Variants in GIPC1 observed in about 807,000 individuals in gnomAD.
GIPC1 encodes the protein GIPC PDZ domain containing family member 1, also known as PDZ domain-containing protein GIPC1.
In GIPC1, 15 loss-of-function variants were observed where a neutral mutation model predicts 28.5. The ratio of observed to expected loss-of-function variants is 0.53; its 90% CI spans 0.35 to 0.81. The LOEUF (loss-of-function observed/expected upper bound fraction) is 0.81, where lower values mean the gene tolerates loss of function less well. Among genes scored for constraint, GIPC1 ranks in the 30% least tolerant of loss-of-function variants. The pLI is 0.01. For synonymous variants in GIPC1, 224 were observed against 206.1 expected, an observed-to-expected ratio of 1.09 and a Z score of -0.74; for missense variants, 439 against 481.9, an observed-to-expected ratio of 0.91 and a Z score of 0.83.
chr19:14,494,388 G>A (rs113116722), intron 1 of GIPC1, among the ~76,000 whole-genome samples: 39 of 194 alleles, frequency 0.2, 1 homozygote, highest in African/African-American at 0.43. Flanking sequence ...CACCGCGCCC[G>A]GGCCCCCTTG....
At chr19:14,479,127 C>T (rs2071666683) in intron 7 of GIPC1, among the ~76,000 whole-genome samples, 1 of 152,142 alleles carries the variant, frequency 6.6e-6, no homozygotes, top group Admixed American at 6.5e-5. Context: ...GCTGGATCAC[C>T]TGATGTCAGG....
At chr19:14,493,624 A>C (rs1223966630) in intron 1 of GIPC1, among the ~76,000 whole-genome samples, 1 of 151,546 alleles carries the variant, frequency 6.6e-6, no homozygotes, top group East Asian at 1.9e-4. Flanking sequence ...CATCCGGCTA[A>C]TTTTTGTATT....
intron 3 of GIPC1, among the ~76,000 whole-genome samples, chr19:14,485,702 TAGAGAGAGAGAGAGAG>T (rs747570310): frequency 0.018 from 1,086 of 58,806 alleles, 25 homozygotes; most frequent in African/African-American, 0.048. Context: ...TATATATATA[TAGAGAGAGAGAGAGAG>T]AGAGAGAGAG....
At chr19:14,483,953 T>C (rs2146471930) in intron 3 of GIPC1, among the ~76,000 whole-genome samples, 1 of 151,828 alleles carries the variant, frequency 6.6e-6, no homozygotes, top group Non-Finnish European at 1.5e-5. Flanking sequence ...CACACCTCAG[T>C]CTCTCAAATA....
At chr19:14,482,613 A>T in intron 4 of GIPC1, 76 bp downstream of exon 4, 1 of 1,399,996 alleles carries the variant, frequency 7.1e-7, no homozygotes, top group Non-Finnish European at 1.0e-6. Flanking sequence ...TCTGAGCCCC[A>T]GCTCATGAAC....
chr19:14,480,182 T>C lies in GIPC1; in HGVS notation c.655+123A>G, dbSNP rs1303575338. 2.1e-5 allele frequency: 17 copies of C among 817,328 alleles called. No individual in the cohort carries two copies. The East Asian group carries it at 2.6e-4, about 13-fold the overall frequency. 50.6% of individuals were successfully genotyped at this position (817,328 alleles called of 1,614,324 possible). A position where few individuals can be genotyped will look rare whatever the true frequency, so the allele number is the denominator to read the frequency against. ...TCGGGAGGAGCTGCAACCCCTTCCC[T>C]TTCTGCAACCCCTTCCCTTTCGGCA... On this transcript the variant is annotated intron_variant, in intron 6 of 8. Coordinates refer to ENST00000393033, the MANE Select transcript of GIPC1 (RefSeq NM_005716.4).
chr19:14,489,488 T>C (rs766258042), intron 3 of GIPC1: 4 of 953,250 alleles, frequency 4.2e-6, no homozygotes, highest in East Asian at 2.4e-5. Context: ...TTGCGGGGAT[T>C]TGATCCCTTT....
At chr19:14,485,973 C>T (rs374849074) in intron 3 of GIPC1, among the ~76,000 whole-genome samples, 7 of 151,998 alleles carry the variant, frequency 4.6e-5, no homozygotes, top group South Asian at 2.1e-4. Flanking sequence ...GGTTTCACCA[C>T]GTTAGCAAGG....
At chr19:14,489,836 A>G (rs1341483279) in intron 3 of GIPC1, among the ~76,000 whole-genome samples, 1 of 151,766 alleles carries the variant, frequency 6.6e-6, no homozygotes, top group East Asian at 1.9e-4. Context: ...TTGATTTCAA[A>G]GGGTTTTATG....
Position 14,496,064 on chromosome 19 carries a change from C to CGCCGCCGCCGCT in GIPC1, c.-214_-203dup, listed in dbSNP as rs534895121. The CGCCGCCGCCGCT allele has an allele frequency of 1.2e-5, 3 of 251,382 alleles. No homozygotes were observed. Among genetic ancestry groups the CGCCGCCGCCGCT allele is most frequent in the East Asian group, 2.1e-4 (2 of 9,310 alleles). 15.6% of individuals were successfully genotyped at this position (251,382 alleles called of 1,614,324 possible). On this transcript the variant is annotated 5_prime_UTR_variant, in exon 1 of 9. Transcript: ENST00000393033. ...GCTCCGCCGCCGCCGCCGCCGCCGC[C>CGCCGCCGCCGCT]GCCGCCGCCGCTGCCTCCGCCTCCC...
intron 6 of GIPC1, chr19:14,480,041 A>G: frequency 3.4e-6 from 2 of 580,290 alleles, no homozygotes. Context: ...GGGGCTGGCC[A>G]GGGCTGAGGG....
chr19:14,486,693 T>C (rs1013334791), intron 3 of GIPC1, among the ~76,000 whole-genome samples: 3 of 149,758 alleles, frequency 2.0e-5, no homozygotes, highest in Non-Finnish European at 3.0e-5. Context: ...TTTCTGTTTC[T>C]TTCTTGCTTT....
At chr19:14,482,581 C>T (rs2071752708) in intron 4 of GIPC1, 108 bp downstream of exon 4, 1 of 1,131,242 alleles carries the variant, frequency 8.8e-7, no homozygotes, top group Non-Finnish European at 1.3e-6. Flanking sequence ...GGGGCCCAGG[C>T]TCAGCATCTG....
At chr19:14,490,190 C>T (rs1416479770) in intron 3 of GIPC1, among the ~76,000 whole-genome samples, 1 of 151,316 alleles carries the variant, frequency 6.6e-6, no homozygotes, top group African/African-American at 2.4e-5. Context: ...ATGGTGAAAC[C>T]CCGTCTCTAC....
At chr19:14,494,053 G>A (rs922119711) in intron 1 of GIPC1, among the ~76,000 whole-genome samples, 3 of 151,970 alleles carry the variant, frequency 2.0e-5, no homozygotes, top group Non-Finnish European at 4.4e-5. Context: ...TCCGCCTCCC[G>A]GGTTCAAGCG....
At chr19:14,495,969 G>T (rs2072068427) in intron 1 of GIPC1, 68 bp downstream of exon 1, 1 of 174,418 alleles carries the variant, frequency 5.7e-6, no homozygotes, top group South Asian at 1.6e-4. Flanking sequence ...GGATCGGCCG[G>T]ATCCTCGCAG....
rs1238797293 is a variant in GIPC1, at chr19:14,482,872, C to G, written c.105G>C (p.Leu35=). Residue 35 remains leucine (L), a synonymous_variant, in exon 4 of 9, where the codon CTG becomes CTC. Coordinates refer to ENST00000393033, the MANE Select transcript of GIPC1 (RefSeq NM_005716.4). Reference sequence around the variant, plus strand: ...GGGGGCCCCCCGACCCACCTCCGCCCAGAGGCCCTGGCTCCCCCACGCCCA... The same window carrying G: ...GGGGGCCCCCCGACCCACCTCCGCCGAGAGGCCCTGGCTCCCCCACGCCCA... ...GGLGVGEPGP[L]GGGGSGGPQM... is the part of the protein sequence containing the mutation. 1 of 1,583,108 alleles carries G rather than the reference C, an allele frequency of 6.3e-7. No individual in the cohort carries two copies. The highest frequency in any genetic ancestry group is 1.8e-5 in the Admixed American group (1 of 55,788).
intron 3 of GIPC1, chr19:14,489,443 T>C (rs773519197): frequency 7.7e-6 from 7 of 913,026 alleles, no homozygotes; most frequent in Non-Finnish European, 9.2e-6. Context: ...AAGTTTTCAT[T>C]GAAATTAAAT....
At chr19:14,489,481 C>T (rs557850402) in intron 3 of GIPC1, 12 of 951,326 alleles carry the variant, frequency 1.3e-5, no homozygotes, top group Middle Eastern at 6.4e-4. Flanking sequence ...AGGAATATTG[C>T]GGGGATTTGA....
Sources: allele counts gnomAD v4.1 joint callset (sites outside exome capture counted in the v4.1 genomes callset), GRCh38; gene constraint gnomAD v4.1.1; transcripts MANE v1.5; gene names NCBI Gene and HGNC (gene_info 2026-07-23, HGNC 2026-07-21).